EYS: variants seen among roughly 807,000 people sequenced by gnomAD.
EYS encodes the protein EGF-like photoreceptor maintenance factor, also known as protein eyes shut homolog.
In EYS, 250 loss-of-function variants were observed where a neutral mutation model predicts 282.1. The observed-to-expected ratio is 0.89, with a 90% CI of 0.80 to 0.98. EYS has a LOEUF of 0.98. EYS is among the 50% of genes least tolerant of loss of function. The pLI, the probability that EYS is intolerant of heterozygous loss-of-function variation, is 0.00. For missense variants in EYS, 4,016 were observed against 3,709.0 expected, an observed-to-expected ratio of 1.08 and a Z score of -2.15; for synonymous variants, 1,355 against 1,282.9, an observed-to-expected ratio of 1.06 and a Z score of -1.20.
rs568813368 is a variant in EYS, at chr6:64,987,436, G to A, written c.2259+10146C>T. ...TTCACTAAATCAGAATCCCCAAAGC[G>A]GGAATACCAAATATGCATGCAGTTT... On this transcript the variant is annotated intron_variant, in intron 14 of 42. Coordinates refer to ENST00000503581, the MANE Select transcript of EYS (RefSeq NM_001142800.2). Among the ~76,000 whole-genome samples, 18 of 151,616 alleles carry A rather than the reference G, an allele frequency of 1.2e-4. 1 individual carries two copies. Among genetic ancestry groups the A allele is most frequent in the Admixed American group, 7.9e-4 (12 of 15,144 alleles).
intron 41 of EYS, among the ~76,000 whole-genome samples, chr6:63,728,296 A>G (rs1480987796): frequency 6.6e-6 from 1 of 152,184 alleles, no homozygotes; most frequent in Non-Finnish European, 1.5e-5. Flanking sequence ...TTTAAATAAA[A>G]CCACATTTTA....
intron 36 of EYS, among the ~76,000 whole-genome samples, chr6:63,836,314 G>C (rs1334922353): frequency 6.6e-6 from 1 of 151,898 alleles, no homozygotes. Flanking sequence ...GCTCTTAGGT[G>C]AATGTAAAAT....
intron 22 of EYS, among the ~76,000 whole-genome samples, chr6:64,810,527 G>A (rs1329923571): frequency 2.0e-5 from 3 of 151,902 alleles, no homozygotes; most frequent in Non-Finnish European, 2.9e-5. Context: ...AATATTTTAG[G>A]TTGGCAATTA....
intron 40 of EYS, among the ~76,000 whole-genome samples, chr6:63,776,563 G>A (rs1181272513): frequency 6.6e-6 from 1 of 152,126 alleles, no homozygotes; most frequent in Non-Finnish European, 1.5e-5. Flanking sequence ...AAAATGCTTT[G>A]TTACACACAA....
At chr6:64,951,645 A>G (rs1202276333) in intron 14 of EYS, among the ~76,000 whole-genome samples, 2 of 151,842 alleles carry the variant, frequency 1.3e-5, no homozygotes, top group Non-Finnish European at 2.9e-5. Context: ...TAGAAAACTG[A>G]AATCTATAAA....
intron 31 of EYS, among the ~76,000 whole-genome samples, chr6:64,153,300 T>TGATTACA (rs1774805048): frequency 6.6e-6 from 1 of 152,170 alleles, no homozygotes; most frequent in Admixed American, 6.5e-5. Flanking sequence ...TGTAATCATA[T>TGATTACA]TTTGTAGATC....
At chr6:64,192,589 C>T (rs1765150140) in intron 31 of EYS, among the ~76,000 whole-genome samples, 1 of 151,978 alleles carries the variant, frequency 6.6e-6, no homozygotes, top group African/African-American at 2.4e-5. Context: ...GAAAGGATTC[C>T]CTATTTAATA....
chr6:64,640,591 GA>G (rs1768100940), intron 22 of EYS, among the ~76,000 whole-genome samples: 1 of 151,246 alleles, frequency 6.6e-6, no homozygotes, highest in African/African-American at 2.4e-5. Context: ...AGTGGGGAGG[GA>G]TAGCATTAGG....
At chr6:64,981,297 T>C (rs187012902) in intron 14 of EYS, among the ~76,000 whole-genome samples, 2 of 151,536 alleles carry the variant, frequency 1.3e-5, no homozygotes, top group African/African-American at 4.8e-5. Context: ...AAGTCATATT[T>C]TGTCATATTG....
In EYS at chr6:65,214,158, C is replaced by CAA. The variant is rs58213904; in HGVS notation, c.2023+81703_2023+81704dup. ...TGGGCGACAGAGCAAGACTCCGTCT[C>CAA]AAAAAAAAAAAAAAAAAAAAAAAAA... On this transcript the variant is annotated intron_variant, in intron 12 of 42. Transcript: ENST00000503581. 9.7e-3 allele frequency among the ~76,000 whole-genome samples: 284 copies of CAA among 29,260 alleles called. 65 individuals carry two copies. Among genetic ancestry groups the CAA allele is most frequent in the Middle Eastern group, 0.036 (1 of 28 alleles). 19.2% of individuals were successfully genotyped at this position (29,260 alleles called of 152,430 possible).
At position 64,132,165 on chromosome 6, in the gene EYS, T is replaced by C. The variant is rs375453225; in HGVS notation, c.6425-50163A>G. On this transcript the variant is annotated intron_variant, in intron 31 of 42. Coordinates refer to ENST00000503581, the MANE Select transcript of EYS (RefSeq NM_001142800.2). ...TGTTCTTGAAACTAGATGATTTGCT[T>C]TCATATACAGATCAAAAAATTCCTT... 3.2e-4 allele frequency among the ~76,000 whole-genome samples: 48 copies of C among 152,272 alleles called. No individual in the cohort carries two copies. In the South Asian group the frequency reaches 9.1e-3, roughly 29 times the overall value.
chr6:65,340,099 C>A (rs9453256), intron 10 of EYS, among the ~76,000 whole-genome samples: 34,120 of 150,852 alleles, frequency 0.23, 4,009 homozygotes, highest in South Asian at 0.35. Flanking sequence ...CAAATTTATA[C>A]TGGATTAAGA....
At chr6:65,599,467 A>G (rs1396809816) in intron 2 of EYS, among the ~76,000 whole-genome samples, 3 of 152,090 alleles carry the variant, frequency 2.0e-5, no homozygotes, top group African/African-American at 7.2e-5. Context: ...ACTTTGTATT[A>G]TCTTTTTCTC....
intron 15 of EYS, among the ~76,000 whole-genome samples, chr6:64,916,989 G>A (rs1205927252): frequency 6.6e-6 from 1 of 152,196 alleles, no homozygotes; most frequent in Non-Finnish European, 1.5e-5. Flanking sequence ...GTTGGCTCAC[G>A]CCTGTAATCC....
At chr6:65,459,971 TATATATA>T (rs1562197919) in intron 5 of EYS, among the ~76,000 whole-genome samples, 50 of 17,248 alleles carry the variant, frequency 2.9e-3, no homozygotes, top group East Asian at 0.029. Flanking sequence ...GTGTATTTTA[TATATATA>T]TATATATATA....
At chr6:64,837,338 T>C (rs1052255935) in intron 19 of EYS, among the ~76,000 whole-genome samples, 1 of 151,116 alleles carries the variant, frequency 6.6e-6, no homozygotes, top group Non-Finnish European at 1.5e-5. Context: ...TTCAGCAAAA[T>C]AAAGGTCATA....
intron 29 of EYS, among the ~76,000 whole-genome samples, chr6:64,329,963 C>T (rs1770578589): frequency 6.6e-6 from 1 of 152,088 alleles, no homozygotes; most frequent in Non-Finnish European, 1.5e-5. Flanking sequence ...TTGAGTGGGG[C>T]TTATCACAGT....
At chr6:63,814,849 C>T (rs574280916) in intron 36 of EYS, among the ~76,000 whole-genome samples, 1 of 152,282 alleles carries the variant, frequency 6.6e-6, no homozygotes, top group East Asian at 1.9e-4. Flanking sequence ...TTCACATCCT[C>T]TATAATTCAT....
intron 19 of EYS, among the ~76,000 whole-genome samples, chr6:64,846,780 G>A (rs1206630349): frequency 1.3e-5 from 2 of 151,986 alleles, no homozygotes; most frequent in Non-Finnish European, 2.9e-5. Context: ...TTTAGGGGAA[G>A]TATTTCATTA....
Sources: allele counts gnomAD v4.1 joint callset (sites outside exome capture counted in the v4.1 genomes callset), GRCh38; gene constraint gnomAD v4.1.1; transcripts MANE v1.5; gene names NCBI Gene and HGNC (gene_info 2026-07-23, HGNC 2026-07-21).